VPS45: variants seen among roughly 807,000 people sequenced by gnomAD.
VPS45 encodes the protein vacuolar protein sorting 45 homolog.
Under a neutral mutation model 75.9 loss-of-function variants are expected in VPS45, and 35 were observed. The observed-to-expected ratio is 0.46, with a 90% CI of 0.35 to 0.61. VPS45 has a LOEUF of 0.61. VPS45 is among the 20% of genes least tolerant of loss of function. The pLI is 0.00. For synonymous variants in VPS45, 220 were observed against 238.2 expected (o/e 0.92, Z 0.70); for missense variants, 559 against 685.9 (o/e 0.81, Z 2.07).
intron 14 of VPS45, among the ~76,000 whole-genome samples, chr1:150,112,323 T>TA (rs1436081903): frequency 6.6e-6 from 1 of 152,168 alleles, no homozygotes; most frequent in Non-Finnish European, 1.5e-5. Flanking sequence ...TGGTCACAGT[T>TA]ACCTGTGATT....
At chr1:150,119,556 C>T (rs1553809144) in intron 14 of VPS45, among the ~76,000 whole-genome samples, 1 of 152,086 alleles carries the variant, frequency 6.6e-6, no homozygotes, top group East Asian at 1.9e-4. Flanking sequence ...AAATGGTATA[C>T]GTTTAGATTT....
chr1:150,129,499 G>A (rs1422172588), intron 14 of VPS45, among the ~76,000 whole-genome samples: 2 of 152,018 alleles, frequency 1.3e-5, no homozygotes, highest in Non-Finnish European at 2.9e-5. Flanking sequence ...CCACCATAGG[G>A]AATGTTGTCA....
intron 14 of VPS45, among the ~76,000 whole-genome samples, chr1:150,112,001 GT>G (rs1553807269): frequency 6.6e-6 from 1 of 152,068 alleles, no homozygotes. Flanking sequence ...GATTTCTTGG[GT>G]TTGAATCCTG....
intron 2 of VPS45, among the ~76,000 whole-genome samples, chr1:150,070,883 A>G (rs1655029738): frequency 6.6e-6 from 1 of 151,786 alleles, no homozygotes; most frequent in African/African-American, 2.4e-5. Context: ...CCTCTTTTAT[A>G]TATTCTCTTT....
At chr1:150,084,467 C>CTGG (rs1553800257) in intron 10 of VPS45, among the ~76,000 whole-genome samples, 1 of 152,080 alleles carries the variant, frequency 6.6e-6, no homozygotes, top group East Asian at 1.9e-4. Context: ...AGACGACAGG[C>CTGG]TGGATATAAA....
At chr1:150,112,692 C>T (rs1360457942) in intron 14 of VPS45, among the ~76,000 whole-genome samples, 2 of 152,156 alleles carry the variant, frequency 1.3e-5, no homozygotes, top group Non-Finnish European at 2.9e-5. Flanking sequence ...AAGGGCTTAA[C>T]CCCACAAGAC....
chr1:150,110,108 G>T (rs1657563290), intron 13 of VPS45: 1 of 163,756 alleles, frequency 6.1e-6, no homozygotes, highest in Admixed American at 6.1e-5. Context: ...GCTTATACAT[G>T]AAAGGAGATG....
intron 10 of VPS45, among the ~76,000 whole-genome samples, chr1:150,088,371 C>T (rs1271627785): frequency 2.0e-5 from 3 of 150,532 alleles, no homozygotes; most frequent in Non-Finnish European, 4.4e-5. Flanking sequence ...AATGTAAGTC[C>T]TCCAGGTTAA....
intron 14 of VPS45, among the ~76,000 whole-genome samples, chr1:150,136,278 G>C (rs1230550632): frequency 1.3e-5 from 2 of 149,582 alleles, no homozygotes; most frequent in Non-Finnish European, 3.0e-5. Context: ...TTGAGGCCGG[G>C]TGCGGTGGTT....
intron 14 of VPS45, among the ~76,000 whole-genome samples, chr1:150,112,148 T>C (rs1553807289): frequency 6.6e-6 from 1 of 152,126 alleles, no homozygotes; most frequent in Non-Finnish European, 1.5e-5. Flanking sequence ...AATTGAAGTA[T>C]TCCTTTTTTT....
chr1:150,136,244 G>A (rs1228742493), intron 14 of VPS45, among the ~76,000 whole-genome samples: 3 of 2,436 alleles, frequency 1.2e-3, no homozygotes, highest in Non-Finnish European at 1.9e-3. Flanking sequence ...GTGAGACTCT[G>A]TCTACAAAAA....
intron 14 of VPS45, among the ~76,000 whole-genome samples, chr1:150,124,452 C>A (rs2101634901): frequency 6.6e-6 from 1 of 151,006 alleles, no homozygotes; most frequent in South Asian, 2.1e-4. Flanking sequence ...GACCAAGACT[C>A]CGTCTTGGAA....
Position 150,067,796 on chromosome 1 carries a change from G to A in VPS45, c.-62G>A. 6.5e-7 allele frequency: 1 copy of A among 1,546,014 alleles called. No homozygotes were observed. Among genetic ancestry groups the A allele is most frequent in the Non-Finnish European group, 8.9e-7 (1 of 1,121,336 alleles). ...CAGCTGAGACCCGGCCAACAGACTG[G>A]GGGTTAATTTAGCCAGAAAAGGGGG... On this transcript the variant is annotated 5_prime_UTR_variant, in exon 1 of 15. Coordinates refer to ENST00000644510, the MANE Select transcript of VPS45 (RefSeq NM_007259.5).
intron 13 of VPS45, among the ~76,000 whole-genome samples, chr1:150,094,405 A>C (rs1230834821): frequency 1.3e-5 from 2 of 152,204 alleles, no homozygotes; most frequent in Non-Finnish European, 2.9e-5. Context: ...AGAGCCTTGG[A>C]AGTATAGTGT....
intron 13 of VPS45, among the ~76,000 whole-genome samples, chr1:150,108,458 G>A (rs1329014147): frequency 6.6e-6 from 1 of 152,094 alleles, no homozygotes; most frequent in African/African-American, 2.4e-5. Flanking sequence ...AGTGACAAGT[G>A]GTCACTATAC....
At chr1:150,116,757 A>G (rs1657951026) in intron 14 of VPS45, among the ~76,000 whole-genome samples, 1 of 152,358 alleles carries the variant, frequency 6.6e-6, no homozygotes, top group East Asian at 1.9e-4. Context: ...CTTCCATATC[A>G]GAATTCAAAA....
intron 14 of VPS45, among the ~76,000 whole-genome samples, chr1:150,124,633 C>T (rs1448366585): frequency 6.6e-6 from 1 of 150,874 alleles, no homozygotes; most frequent in African/African-American, 2.4e-5. Flanking sequence ...CTCCAACCCC[C>T]CTACCTCCCG....
intron 4 of VPS45, 115 bp downstream of exon 4, chr1:150,076,427 T>C: frequency 1.5e-6 from 1 of 679,342 alleles, no homozygotes; most frequent in Non-Finnish European, 2.3e-6. Flanking sequence ...TATGAATACT[T>C]GAATATGTTT....
chr1:150,112,925 G>C (rs1657724692), intron 14 of VPS45, among the ~76,000 whole-genome samples: 3 of 152,108 alleles, frequency 2.0e-5, no homozygotes, highest in Admixed American at 2.0e-4. Flanking sequence ...GTATAGGGGT[G>C]GGGTGTGGAG....
Sources: allele counts gnomAD v4.1 joint callset (sites outside exome capture counted in the v4.1 genomes callset), GRCh38; gene constraint gnomAD v4.1.1; transcripts MANE v1.5; gene names NCBI Gene and HGNC (gene_info 2026-07-23, HGNC 2026-07-21).